ARHGAP32: variants seen among roughly 807,000 people sequenced by gnomAD.
The protein encoded by ARHGAP32 is rho GTPase-activating protein 32.
Under a neutral mutation model 186.5 loss-of-function variants are expected in ARHGAP32, and 51 were observed. That is an observed-to-expected ratio of 0.27 (90% CI 0.22 to 0.35). ARHGAP32 has a LOEUF of 0.35. Among genes scored for constraint, ARHGAP32 ranks in the 10% least tolerant of loss-of-function variants. ARHGAP32 has a pLI of 1.00. For missense variants in ARHGAP32, 2,186 were observed against 2,623.5 expected, an observed-to-expected ratio of 0.83 and a Z score of 3.64; for synonymous variants, 950 against 964.3, an observed-to-expected ratio of 0.99 and a Z score of 0.27.
At chr11:129,193,572 A>AT, upstream of ARHGAP32, among the ~76,000 whole-genome samples, 1 of 11,942 alleles carries the variant, frequency 8.4e-5, no homozygotes, top group Non-Finnish European at 1.5e-4. Flanking sequence ...TATATATAAT[A>AT]TATATATATT....
Position 129,123,341 on chromosome 11 carries a change from T to G in ARHGAP32, c.444+105A>C, listed in dbSNP as rs1942579366. ...ATAAGACATCAATTAAAAAAAAAAC[T>G]ACTTCAAAGTGTCATCTATTAGATA... is the stretch of plus-strand genomic sequence containing the variant. On this transcript the variant is annotated intron_variant, in intron 5 of 22. Coordinates refer to ENST00000682385, the MANE Select transcript of ARHGAP32 (RefSeq NM_001378024.1). The surrounding 1 kb of genome is among the most constrained non-coding windows in gnomAD (Gnocchi z 4.6). 7 of 896,182 alleles carry G rather than the reference T, an allele frequency of 7.8e-6. No homozygotes were observed. In the Middle Eastern group the frequency reaches 7.0e-4, roughly 90 times the overall value. 55.5% of individuals were successfully genotyped at this position (896,182 alleles called of 1,614,324 possible).
intron 1 of ARHGAP32, among the ~76,000 whole-genome samples, chr11:129,243,394 A>G (rs1945046693): frequency 6.6e-6 from 1 of 152,210 alleles, no homozygotes; most frequent in African/African-American, 2.4e-5. Flanking sequence ...ACAATCATAA[A>G]TAAGTAAATA....
Position 128,972,589 on chromosome 11 carries a change from G to A in ARHGAP32, c.3917C>T (p.Ala1306Val). 6.2e-7 allele frequency: 1 copy of A among 1,604,082 alleles called. No homozygotes were observed. Among genetic ancestry groups the A allele is most frequent in the Non-Finnish European group, 8.5e-7 (1 of 1,173,822 alleles). Reference sequence around the variant, plus strand: ...GTGCGTGCGCTGAAGTGTGGCAGCAGCAAAATCAGCAGTGGTGGGTTGTTC... The same window carrying A: ...GTGCGTGCGCTGAAGTGTGGCAGCAACAAAATCAGCAGTGGTGGGTTGTTC... ...VAEQPTTADFAAATLQRTHRT... is the reference protein window; with the variant it reads ...VAEQPTTADFVAATLQRTHRT... Residue 1306 changes from alanine (A) to valine (V), a missense_variant, in exon 22 of 23, where the codon GCT becomes GTT. By Grantham distance (64) the Ala-to-Val change is moderately conservative. Transcript: ENST00000682385.
At chr11:129,181,199 A>C (rs1591678522) in intron 1 of ARHGAP32, among the ~76,000 whole-genome samples, 2 of 152,140 alleles carry the variant, frequency 1.3e-5, no homozygotes, top group African/African-American at 4.8e-5. Flanking sequence ...GCTCTGCAAC[A>C]GTTGTCGCCA....
intron 20 of ARHGAP32, among the ~76,000 whole-genome samples, chr11:128,976,103 T>TATATATATATATATATA: frequency 7.0e-6 from 1 of 142,774 alleles, no homozygotes; most frequent in African/African-American, 2.6e-5. Context: ...ATATATATAT[T>TATATATATATATATATA]CACAAATGTA....
At chr11:129,149,109 G>C (rs895589049) in intron 2 of ARHGAP32, among the ~76,000 whole-genome samples, 10 of 152,166 alleles carry the variant, frequency 6.6e-5, no homozygotes, top group African/African-American at 1.9e-4. Context: ...CCAATGCAGG[G>C]CAAGCACAGA....
intron 1 of ARHGAP32, among the ~76,000 whole-genome samples, chr11:129,247,078 A>G (rs546945436): frequency 6.6e-6 from 1 of 152,278 alleles, no homozygotes; most frequent in South Asian, 2.1e-4. Context: ...CTCATTCATC[A>G]TCTGGCCACA....
chr11:128,970,090 G>C lies in ARHGAP32; in HGVS notation c.5123C>G (p.Pro1708Arg), dbSNP rs1214591542. 1 of 1,614,080 alleles carries C rather than the reference G, an allele frequency of 6.2e-7. No homozygotes were observed. Among genetic ancestry groups the C allele is most frequent in the African/African-American group, 1.3e-5 (1 of 74,926 alleles). Residue 1708 changes from proline (P) to arginine (R), a missense_variant, in exon 23 of 23, where the codon CCT (proline) becomes CGT (arginine). Physicochemically the swap from Pro to Arg is moderately radical, Grantham distance 103. Coordinates refer to ENST00000682385, the MANE Select transcript of ARHGAP32 (RefSeq NM_001378024.1). The surrounding 1 kb of genome is among the most constrained non-coding windows in gnomAD (Gnocchi z 5.8). ...LPNRDFAFYNPRLQGKSLYSY... is the reference protein window; with the variant it reads ...LPNRDFAFYNRRLQGKSLYSY... ...GTACAAGCTCTTTCCTTGCAGCCTA[G>C]GATTGTAGAAAGCAAAGTCTCGATT...
chr11:129,273,335 T>TC (rs1945493767), intron 1 of ARHGAP32, among the ~76,000 whole-genome samples: 1 of 152,234 alleles, frequency 6.6e-6, no homozygotes, highest in East Asian at 1.9e-4. Flanking sequence ...AGAGATGTGG[T>TC]TTCCCTTATC....
intron 2 of ARHGAP32, among the ~76,000 whole-genome samples, chr11:129,144,130 A>AT (rs1943121124): frequency 6.6e-6 from 1 of 152,228 alleles, no homozygotes; most frequent in Non-Finnish European, 1.5e-5. Flanking sequence ...CCGCAAAAGA[A>AT]TTTTGATATA....
At chr11:129,042,278 G>A (rs1939628605) in intron 10 of ARHGAP32, among the ~76,000 whole-genome samples, 1 of 152,118 alleles carries the variant, frequency 6.6e-6, no homozygotes, top group African/African-American at 2.4e-5. Flanking sequence ...AGCCTCCTGA[G>A]TAGCTGCGAC....
intron 10 of ARHGAP32, among the ~76,000 whole-genome samples, chr11:129,051,871 C>G (rs1940058160): frequency 6.8e-6 from 1 of 146,088 alleles, no homozygotes; most frequent in Non-Finnish European, 1.5e-5. Context: ...GGGAGAATCG[C>G]TTGAACCCAG....
At chr11:129,085,015 G>C (rs1941340655) in intron 6 of ARHGAP32, among the ~76,000 whole-genome samples, 1 of 151,422 alleles carries the variant, frequency 6.6e-6, no homozygotes. Context: ...GAGAAATTTT[G>C]TTTGGTTTTA....
At chr11:128,981,629 C>T (rs1220570043) in intron 16 of ARHGAP32, 68 bp from the exon 17 acceptor site, 17 of 1,490,428 alleles carry the variant, frequency 1.1e-5, no homozygotes, top group East Asian at 2.3e-5. Flanking sequence ...TTTTTTTAAA[C>T]GTGTAAATCT....
chr11:128,983,486 G>C (rs1945770414), intron 15 of ARHGAP32, among the ~76,000 whole-genome samples: 1 of 150,452 alleles, frequency 6.6e-6, no homozygotes, highest in Non-Finnish European at 1.5e-5. Flanking sequence ...ACACACCGGG[G>C]CCTGTTGTGG....
intron 1 of ARHGAP32, among the ~76,000 whole-genome samples, chr11:129,265,397 A>G (rs1945383836): frequency 6.6e-6 from 1 of 152,240 alleles, no homozygotes; most frequent in Non-Finnish European, 1.5e-5. Flanking sequence ...CAGGAGTAAT[A>G]GCAAAGAATC....
intron 1 of ARHGAP32, among the ~76,000 whole-genome samples, chr11:129,247,493 C>G (rs1012627866): frequency 6.6e-6 from 1 of 152,046 alleles, no homozygotes; most frequent in African/African-American, 2.4e-5. Flanking sequence ...ATACTTCCTC[C>G]AAAATAAAAA....
At chr11:129,035,602 C>T (rs1164990765) in intron 11 of ARHGAP32, among the ~76,000 whole-genome samples, 1 of 152,148 alleles carries the variant, frequency 6.6e-6, no homozygotes, top group Non-Finnish European at 1.5e-5. Flanking sequence ...AATCCCAGCA[C>T]TTTGGGAAGC....
At chr11:129,150,966 T>C (rs1010122631) in intron 2 of ARHGAP32, among the ~76,000 whole-genome samples, 1 of 151,558 alleles carries the variant, frequency 6.6e-6, no homozygotes, top group African/African-American at 2.4e-5. Flanking sequence ...CAACCGATTA[T>C]TTGCTGTCTT....
Sources: gnomAD v4.1 joint callset for allele counts (sites outside exome capture counted in the v4.1 genomes callset) on GRCh38, gnomAD v4.1.1 for gene constraint, Gnocchi (gnomAD v3.1) non-coding constraint, MANE v1.5 for transcripts, NCBI Gene and HGNC (gene_info 2026-07-23, HGNC 2026-07-21) for gene names.